RUVBL1: variants seen among roughly 807,000 people sequenced by gnomAD.
The protein encoded by RUVBL1 is ruvB-like 1.
Under a neutral mutation model 52.4 loss-of-function variants are expected in RUVBL1, and 4 were observed. The observed-to-expected ratio is 0.08, with a 90% CI of 0.04 to 0.17. The LOEUF (loss-of-function observed/expected upper bound fraction) is 0.17. Ranked by LOEUF, RUVBL1 falls within the 10% of genes least tolerant of loss-of-function variation. RUVBL1 has a pLI of 1.00. For missense variants in RUVBL1, 298 were observed against 572.8 expected (o/e 0.52, Z 4.90); for synonymous variants, 217 against 214.4 (o/e 1.01, Z -0.10).
At chr3:128,108,493 T>G (rs750334093) in intron 3 of RUVBL1, among the ~76,000 whole-genome samples, 1 of 152,136 alleles carries the variant, frequency 6.6e-6, no homozygotes, top group Non-Finnish European at 1.5e-5. Context: ...TTCACAGATT[T>G]TATCAATATC....
chr3:128,145,133 A>G (rs1201056469), intron 1 of RUVBL1, among the ~76,000 whole-genome samples: 10 of 152,166 alleles, frequency 6.6e-5, no homozygotes, highest in Admixed American at 6.5e-4. Context: ...AGCTAGGTTT[A>G]TTTATTTAAA....
chr3:128,124,430 C>T (rs768179246), upstream of RUVBL1, among the ~76,000 whole-genome samples: 3 of 152,074 alleles, frequency 2.0e-5, no homozygotes, highest in Non-Finnish European at 2.9e-5. Context: ...CGGAAAGAGG[C>T]CCATCCGCCC....
At chr3:128,122,709 A>C (rs566326572) in intron 1 of RUVBL1, among the ~76,000 whole-genome samples, 1 of 152,362 alleles carries the variant, frequency 6.6e-6, no homozygotes, top group Non-Finnish European at 1.5e-5. Context: ...AAGGCTCTCC[A>C]AAGGCCAAGG....
At chr3:128,091,144 C>G (rs1298520168) in intron 8 of RUVBL1, among the ~76,000 whole-genome samples, 1 of 152,206 alleles carries the variant, frequency 6.6e-6, no homozygotes, top group East Asian at 1.9e-4. Flanking sequence ...TGAGATTTGT[C>G]CAAGCTATGA....
At chr3:128,121,145 G>A (rs529067661) in intron 1 of RUVBL1, among the ~76,000 whole-genome samples, 1 of 151,852 alleles carries the variant, frequency 6.6e-6, no homozygotes, top group African/African-American at 2.4e-5. Context: ...ACCCGGGCTG[G>A]AGCGCAATGG....
At chr3:128,089,259 C>T (rs188987024) in intron 8 of RUVBL1, among the ~76,000 whole-genome samples, 3 of 152,366 alleles carry the variant, frequency 2.0e-5, no homozygotes, top group South Asian at 2.1e-4. Context: ...AGGGAGGAAC[C>T]TTGCCAACCC....
In RUVBL1 at chr3:128,110,106, C is replaced by T. The variant is rs549573702; in HGVS notation, c.361+2782G>A. Among the ~76,000 whole-genome samples the T allele has an allele frequency of 2.6e-5, 4 of 152,162 alleles. No homozygotes were observed. The South Asian group carries it at 8.3e-4, about 32-fold the overall frequency. ...TGCTGGGATTACAGGCATGAGCCACCGCACTCGGCCTACATACAGTTTTTA... is the reference window on the plus strand; with the variant it reads ...TGCTGGGATTACAGGCATGAGCCACTGCACTCGGCCTACATACAGTTTTTA... On this transcript the variant is annotated intron_variant, in intron 3 of 10. Coordinates refer to ENST00000322623, the MANE Select transcript of RUVBL1 (RefSeq NM_003707.3).
intron 1 of RUVBL1, among the ~76,000 whole-genome samples, chr3:128,120,731 G>A (rs1943624769): frequency 6.6e-6 from 1 of 151,978 alleles, no homozygotes; most frequent in African/African-American, 2.4e-5. Context: ...CCACACTTAT[G>A]GCAGCCCCTC....
At chr3:128,135,504 G>A (rs1943935307) in intron 1 of RUVBL1, among the ~76,000 whole-genome samples, 1 of 152,190 alleles carries the variant, frequency 6.6e-6, no homozygotes, top group Non-Finnish European at 1.5e-5. Context: ...TTGCACTCCA[G>A]CCTGGGCTAC....
chr3:128,073,323 G>C (rs1470094498), intron 9 of RUVBL1, among the ~76,000 whole-genome samples: 2 of 152,140 alleles, frequency 1.3e-5, no homozygotes, highest in African/African-American at 4.8e-5. Flanking sequence ...TGCCTCCCTG[G>C]ACCTGCTGAT....
intron 7 of RUVBL1, among the ~76,000 whole-genome samples, chr3:128,097,730 G>A (rs939607115): frequency 2.0e-5 from 3 of 152,124 alleles, no homozygotes; most frequent in African/African-American, 7.2e-5. Context: ...CAAAAGATGA[G>A]TTTGGTTAAA....
At chr3:128,111,951 T>C (rs1233507724) in intron 3 of RUVBL1, among the ~76,000 whole-genome samples, 1 of 152,132 alleles carries the variant, frequency 6.6e-6, no homozygotes, top group African/African-American at 2.4e-5. Context: ...CAAAGACACA[T>C]AAAAGGATAT....
At chr3:128,126,894 G>A (rs770717743), upstream of RUVBL1, among the ~76,000 whole-genome samples, 17 of 152,190 alleles carry the variant, frequency 1.1e-4, no homozygotes, top group Non-Finnish European at 2.4e-4. Context: ...TTGAGTCTGC[G>A]TAGTTTGGGC....
upstream of RUVBL1, among the ~76,000 whole-genome samples, chr3:128,124,804 A>C (rs1234784282): frequency 6.6e-6 from 1 of 152,150 alleles, no homozygotes; most frequent in Admixed American, 6.5e-5. Context: ...AGGCATCATG[A>C]AGGTGATGTT....
intron 1 of RUVBL1, among the ~76,000 whole-genome samples, chr3:128,130,728 G>A (rs1009944613): frequency 1.3e-5 from 2 of 151,428 alleles, no homozygotes; most frequent in Non-Finnish European, 2.9e-5. Context: ...TCGGCTCACT[G>A]CAAACTCCAC....
intron 8 of RUVBL1, among the ~76,000 whole-genome samples, chr3:128,089,974 G>A (rs1942787641): frequency 6.6e-6 from 1 of 151,248 alleles, no homozygotes; most frequent in Non-Finnish European, 1.5e-5. Flanking sequence ...CAGGATCTAA[G>A]GGGAGGAAGG....
At chr3:128,153,897 T>C in exon 1 of RUVBL1, 1 of 1,426,686 alleles carries the variant, frequency 7.0e-7, no homozygotes, top group Non-Finnish European at 9.1e-7. Flanking sequence ...CCGAATTCGC[T>C]CGAGCCTTTG....
chr3:128,148,025 T>C (rs1576493344), intron 1 of RUVBL1, among the ~76,000 whole-genome samples: 2 of 152,202 alleles, frequency 1.3e-5, no homozygotes. Flanking sequence ...CTTCCACTTA[T>C]ATGATGTTCT....
At chr3:128,086,933 G>A (rs907865732) in intron 9 of RUVBL1, among the ~76,000 whole-genome samples, 2 of 152,258 alleles carry the variant, frequency 1.3e-5, no homozygotes, top group African/African-American at 4.8e-5. Context: ...TTCAGGGCAT[G>A]CACGGTGTGC....
Sources: gnomAD v4.1 joint callset for allele counts (sites outside exome capture counted in the v4.1 genomes callset) on GRCh38, gnomAD v4.1.1 for gene constraint, MANE v1.5 for transcripts, NCBI Gene and HGNC (gene_info 2026-07-23, HGNC 2026-07-21) for gene names.